ATPAF1: variants seen among roughly 807,000 people sequenced by gnomAD.
The protein encoded by ATPAF1 is homolog of yeast ATP11.
ATPAF1 carries 26 observed loss-of-function variants against 43.9 expected under a neutral mutation model. The observed-to-expected ratio is 0.59, with a 90% CI of 0.43 to 0.82. The LOEUF is 0.82. Ranked by LOEUF, ATPAF1 falls within the 40% of genes least tolerant of loss-of-function variation. The pLI, the probability that ATPAF1 is intolerant of heterozygous loss-of-function variation, is 0.00. For synonymous variants in ATPAF1, 157 were observed against 168.0 expected (o/e 0.93, Z 0.50); for missense variants, 366 against 435.0 (o/e 0.84, Z 1.41).
At chr1:46,640,178 G>GCATT (rs1443030472) in intron 8 of ATPAF1, among the ~76,000 whole-genome samples, 2 of 151,906 alleles carry the variant, frequency 1.3e-5, no homozygotes, top group African/African-American at 2.4e-5. Context: ...TCATTCCTTT[G>GCATT]CATTCACCTT....
Position 46,636,736 on chromosome 1 carries a change from A to C in ATPAF1, c.793-766T>G, listed in dbSNP as rs189492943. Among the ~76,000 whole-genome samples, 932 of 152,092 alleles carry C rather than the reference A, an allele frequency of 6.1e-3. 2 individuals carry two copies. Among genetic ancestry groups the C allele is most frequent in the Non-Finnish European group, 0.011 (716 of 68,012 alleles). ...GGGTAATGTAGTGAGCCCCTTAAAA[A>C]AAAAAAAAGACTATGAAAAAATGAA... On this transcript the variant is annotated intron_variant, in intron 8 of 8. Coordinates refer to ENST00000574428, the Ensembl canonical transcript of ATPAF1.
chr1:46,652,365 C>A, intron 6 of ATPAF1: 1 of 472,994 alleles, frequency 2.1e-6, no homozygotes, highest in Non-Finnish European at 3.7e-6. Flanking sequence ...TTTCATAAGG[C>A]TGAAAATGTC....
Position 46,668,339 on chromosome 1 carries a change from TC to T in ATPAF1, c.-18del. On this transcript the variant is annotated 5_prime_UTR_variant, in exon 1 of 9. Transcript: ENST00000574428. The surrounding 1 kb of genome is among the most constrained non-coding windows in gnomAD (Gnocchi z 4.4). Reference sequence around the variant, plus strand: ...AGCAGCCATGGCCGCCCCCGCCTCCTCCTCCTCCTCAGGCGCGTCGGCCTCG... The same window carrying T: ...AGCAGCCATGGCCGCCCCCGCCTCCTCTCCTCCTCAGGCGCGTCGGCCTCG... 7.4e-7 allele frequency: 1 copy of T among 1,348,116 alleles called. No individual in the cohort carries two copies. The highest frequency in any genetic ancestry group is 9.6e-7 in the Non-Finnish European group (1 of 1,045,754). The allele number at this position is 1,348,116 out of a possible 1,614,324, so 83.5% of individuals were successfully genotyped here.
chr1:46,641,089 A>AT (rs560151667), intron 8 of ATPAF1, among the ~76,000 whole-genome samples: 42 of 151,616 alleles, frequency 2.8e-4, no homozygotes, highest in Non-Finnish European at 2.7e-4. Context: ...TATTATTATT[A>AT]TTTTTTTAGA....
At chr1:46,663,233 C>T (rs1049069165) in intron 2 of ATPAF1, among the ~76,000 whole-genome samples, 1 of 152,164 alleles carries the variant, frequency 6.6e-6, no homozygotes, top group Non-Finnish European at 1.5e-5. Flanking sequence ...AATAGTGCCG[C>T]AATAAACATA....
At chr1:46,645,309 C>T (rs934012418) in intron 6 of ATPAF1, 53 bp from the exon 7 acceptor site, 2 of 1,346,906 alleles carry the variant, frequency 1.5e-6, no homozygotes, top group African/African-American at 2.9e-5. Context: ...ATTATTTGCT[C>T]TATATCCAAC....
chr1:46,649,115 T>C (rs1676114841), intron 6 of ATPAF1, among the ~76,000 whole-genome samples: 1 of 140,106 alleles, frequency 7.1e-6, no homozygotes, highest in Admixed American at 7.7e-5. Context: ...TGAGCTGAGA[T>C]CATACTACAT....
intron 1 of ATPAF1, 92 bp from the exon 2 acceptor site, chr1:46,665,456 C>T: frequency 1.5e-6 from 2 of 1,378,698 alleles, no homozygotes; most frequent in East Asian, 2.5e-5. Flanking sequence ...AGAGAAAGGA[C>T]ACTGCCATTC....
At chr1:46,645,087 A>C in intron 7 of ATPAF1, 74 bp downstream of exon 7, 1 of 1,046,418 alleles carries the variant, frequency 9.6e-7, no homozygotes, top group Non-Finnish European at 1.4e-6. Flanking sequence ...TGTGTCCTTG[A>C]GCCTCAGCAA....
chr1:46,651,937 AC>A (rs535333916), intron 6 of ATPAF1, among the ~76,000 whole-genome samples: 141 of 152,296 alleles, frequency 9.3e-4, no homozygotes, highest in Middle Eastern at 3.4e-3. Context: ...AAAAATGCTC[AC>A]CATCACTGGC....
At chr1:46,646,511 T>A (rs531821356) in intron 6 of ATPAF1, among the ~76,000 whole-genome samples, 2 of 152,094 alleles carry the variant, frequency 1.3e-5, no homozygotes, top group Non-Finnish European at 2.9e-5. Context: ...TGGGGATGAG[T>A]AGTAGAGAAA....
chr1:46,662,001 TCTC>T (rs1676397639), intron 2 of ATPAF1, among the ~76,000 whole-genome samples: 1 of 152,036 alleles, frequency 6.6e-6, no homozygotes, highest in Non-Finnish European at 1.5e-5. Flanking sequence ...TCCACGCCAT[TCTC>T]CTGCCTCAGC....
chr1:46,634,911 T>C (rs188731210), downstream of ATPAF1: 548 of 152,726 alleles, frequency 3.6e-3, 2 homozygotes, highest in African/African-American at 0.012. Context: ...ATAACAAACA[T>C]TGTAAGCCAG....
At chr1:46,652,370 A>G (rs1676187556) in intron 6 of ATPAF1, 3 of 489,086 alleles carry the variant, frequency 6.1e-6, no homozygotes, top group South Asian at 4.0e-5. Flanking sequence ...TAAGGCTGAA[A>G]ATGTCACTTA....
chr1:46,657,577 A>G (rs768719554), intron 4 of ATPAF1, among the ~76,000 whole-genome samples: 38 of 152,228 alleles, frequency 2.5e-4, no homozygotes, highest in Non-Finnish European at 4.4e-4. Context: ...TAACTCATTT[A>G]ATTATCCAAA....
exon 9 of ATPAF1, chr1:46,635,895 A>G (rs1294256390): frequency 6.2e-7 from 1 of 1,614,210 alleles, no homozygotes; most frequent in East Asian, 2.2e-5. Context: ...GTCTCCACTA[A>G]CCCGTAGGTC....
In ATPAF1 at chr1:46,668,303, G is replaced by GCCACCA; in HGVS notation, c.14_19dup (p.Val5_Val6dup). 1 of 1,379,538 alleles carries GCCACCA rather than the reference G, an allele frequency of 7.2e-7. No homozygotes were observed. Among genetic ancestry groups the GCCACCA allele is most frequent in the Non-Finnish European group, 9.4e-7 (1 of 1,061,782 alleles). The allele number at this position is 1,379,538 out of a possible 1,614,324, so 85.5% of individuals were successfully genotyped here. A position where few individuals can be genotyped will look rare whatever the true frequency, so the allele number is the denominator to read the frequency against. On this transcript the variant is annotated inframe_insertion, in exon 1 of 9. Coordinates refer to ENST00000574428, the Ensembl canonical transcript of ATPAF1. The surrounding 1 kb of genome is among the most constrained non-coding windows in gnomAD (Gnocchi z 4.4). ...CGCCGGTCCCGCGCCACCCGCAGCCGCCACCACCACAGCAGCCATGGCCGC... is the reference window on the plus strand; with the variant it reads ...CGCCGGTCCCGCGCCACCCGCAGCCGCCACCACCACCACCACAGCAGCCATGGCCGC...
chr1:46,643,926 T>C (rs1569599519), intron 7 of ATPAF1, among the ~76,000 whole-genome samples: 1 of 152,130 alleles, frequency 6.6e-6, no homozygotes. Context: ...AGCCCCTACA[T>C]AGCACAGGTG....
intron 1 of ATPAF1, 136 bp downstream of exon 1, chr1:46,667,921 T>C: frequency 1.5e-6 from 1 of 671,142 alleles, no homozygotes; most frequent in Non-Finnish European, 2.1e-6. Flanking sequence ...TGACCTAGCC[T>C]CGCGGAGCCT....
Sources: gnomAD v4.1 joint callset for allele counts (sites outside exome capture counted in the v4.1 genomes callset) on GRCh38, gnomAD v4.1.1 for gene constraint, Gnocchi (gnomAD v3.1) non-coding constraint, MANE v1.5 for transcripts, NCBI Gene and HGNC (gene_info 2026-07-23, HGNC 2026-07-21) for gene names.